The following COL4A4 variants were observed in gnomAD, a reference collection of about 807,000 sequenced individuals.
The protein encoded by COL4A4 is collagen alpha-4(IV) chain.
Under a neutral mutation model 192.9 loss-of-function variants are expected in COL4A4, and 105 were observed. The ratio of observed to expected loss-of-function variants is 0.54; its 90% CI spans 0.46 to 0.64. The LOEUF (loss-of-function observed/expected upper bound fraction) is 0.64, where lower values mean the gene tolerates loss of function less well. Ranked by LOEUF, COL4A4 falls within the 30% of genes least tolerant of loss-of-function variation. The probability of loss-of-function intolerance (pLI) is 0.00; values close to 1 mark genes in which losing one functional copy is unlikely to be tolerated. For synonymous variants in COL4A4, 762 were observed against 769.9 expected (o/e 0.99, Z 0.17); for missense variants, 1,967 against 2,169.3 (o/e 0.91, Z 1.85).
intron 4 of COL4A4, among the ~76,000 whole-genome samples, chr2:227,136,008 T>A (rs1025480924): frequency 6.6e-6 from 1 of 151,070 alleles, no homozygotes; most frequent in Non-Finnish European, 1.5e-5. Context: ...ACTGTGATAA[T>A]CTCAAAGTAC....
intron 35 of COL4A4, among the ~76,000 whole-genome samples, chr2:227,046,950 G>A (rs1973009053): frequency 6.6e-6 from 1 of 152,040 alleles, no homozygotes; most frequent in Non-Finnish European, 1.5e-5. Flanking sequence ...TGTTGGTGAT[G>A]AGGTTTATGT....
intron 38 of COL4A4, 97 bp from the exon 39 acceptor site, chr2:227,032,373 T>C (rs1431495087): frequency 1.4e-6 from 2 of 1,408,904 alleles, no homozygotes; most frequent in Admixed American, 2.0e-5. Flanking sequence ...GGCAGAGGAG[T>C]GGCTGGTTCT....
At chr2:227,045,827 TATATAC>T (rs1245827488) in intron 35 of COL4A4, among the ~76,000 whole-genome samples, 3 of 51,804 alleles carry the variant, frequency 5.8e-5, no homozygotes, top group African/African-American at 2.2e-4. Flanking sequence ...CACATATATA[TATATAC>T]ACACATATAT....
intron 4 of COL4A4, among the ~76,000 whole-genome samples, chr2:227,128,390 G>T (rs1188173953): frequency 6.6e-6 from 1 of 152,110 alleles, no homozygotes; most frequent in Non-Finnish European, 1.5e-5. Flanking sequence ...TGAATTAATT[G>T]AATACCTCTA....
chr2:227,019,265 G>A (rs573018607), intron 44 of COL4A4, among the ~76,000 whole-genome samples: 2 of 152,184 alleles, frequency 1.3e-5, no homozygotes, highest in Admixed American at 6.5e-5. Flanking sequence ...GCTAAGAAAC[G>A]TTCTACTCTT....
intron 25 of COL4A4, among the ~76,000 whole-genome samples, chr2:227,068,527 G>A (rs1040655004): frequency 6.6e-6 from 1 of 152,210 alleles, no homozygotes; most frequent in African/African-American, 2.4e-5. Flanking sequence ...CCATGATCAA[G>A]TGGGCTTCAC....
At chr2:227,070,210 C>T (rs1270436252) in intron 25 of COL4A4, among the ~76,000 whole-genome samples, 2 of 151,878 alleles carry the variant, frequency 1.3e-5, no homozygotes, top group Non-Finnish European at 2.9e-5. Context: ...ATTAAAAAGT[C>T]AGGAAACAAC....
intron 33 of COL4A4, among the ~76,000 whole-genome samples, 173 bp from the exon 34 acceptor site, chr2:227,050,304 T>C (rs1363046123): frequency 6.6e-6 from 1 of 152,252 alleles, no homozygotes; most frequent in Non-Finnish European, 1.5e-5. Flanking sequence ...TTTTTCAAAG[T>C]TGATATAGCT....
Position 227,005,074 on chromosome 2 carries a change from A to AAATT in COL4A4, c.*2247_*2250dup, listed in dbSNP as rs1489852951. The AAATT allele has an allele frequency of 1.3e-5, 2 of 152,248 alleles. No individual in the cohort carries two copies. Among genetic ancestry groups the AAATT allele is most frequent in the Admixed American group, 1.3e-4 (2 of 15,302 alleles). 9.4% of individuals were successfully genotyped at this position (152,248 alleles called of 1,614,324 possible). A position where few individuals can be genotyped will look rare whatever the true frequency, so the allele number is the denominator to read the frequency against. On this transcript the variant is annotated 3_prime_UTR_variant, in exon 48 of 48. Coordinates refer to ENST00000396625, the MANE Select transcript of COL4A4 (RefSeq NM_000092.5). ...TTTGATCCTTTAAAATACTTTTGTA[A>AAATT]AATTAGAGGGCAGTGTTAATGCTGC...
chr2:227,020,880 C>CTTTTTTTTTTTTTTTTTTTTTTT (rs57119611), intron 44 of COL4A4, among the ~76,000 whole-genome samples: 1 of 127,598 alleles, frequency 7.8e-6, no homozygotes. Flanking sequence ...ACACTTTTTT[C>CTTTTTTTTTTTTTTTTTTTTTTT]TTTTTTTTTT....
rs559618953 is a variant in COL4A4, at chr2:227,004,368, A to G, written c.*2957T>C. 2.8e-4 allele frequency: 42 copies of G among 152,492 alleles called. No individual in the cohort carries two copies. Among genetic ancestry groups the G allele is most frequent in the African/African-American group, 1.0e-3 (42 of 41,570 alleles). The allele number at this position is 152,492 out of a possible 1,614,324, so 9.4% of individuals were successfully genotyped here. ...TCGAAGAGGTGCTGGGAGTGTCTGC[A>G]GAGCTGCACACAGTTCATCATGACA... On this transcript the variant is annotated 3_prime_UTR_variant, in exon 48 of 48. Coordinates refer to ENST00000396625, the MANE Select transcript of COL4A4 (RefSeq NM_000092.5).
chr2:227,108,944 A>G, intron 10 of COL4A4, 76 bp from the exon 11 acceptor site: 3 of 1,383,654 alleles, frequency 2.2e-6, no homozygotes, highest in Non-Finnish European at 3.1e-6. Context: ...TGTTACCCCA[A>G]AATAGGGTCC....
At position 227,047,579 on chromosome 2, in the gene COL4A4, C is replaced by G. The variant is rs149309573; in HGVS notation, c.3215-30G>C. ...AAGGGATAAAATGCATGTGACATTA[C>G]TTTAGACAATTTAATTTGGTCTCAT... On this transcript the variant is annotated intron_variant, in intron 34 of 47. Coordinates refer to ENST00000396625, the MANE Select transcript of COL4A4 (RefSeq NM_000092.5). The G allele has an allele frequency of 4.6e-6, 7 of 1,510,456 alleles. No homozygotes were observed. In the African/African-American group the frequency reaches 9.6e-5, roughly 21 times the overall value. 93.6% of individuals were successfully genotyped at this position (1,510,456 alleles called of 1,614,324 possible). A position where few individuals can be genotyped will look rare whatever the true frequency, so the allele number is the denominator to read the frequency against.
In COL4A4 at chr2:227,082,186, C is replaced by G; in HGVS notation, c.1625G>C (p.Gly542Ala). Residue 542 changes from glycine (G) to alanine (A), a missense_variant and splice_region_variant, in exon 23 of 48, where the codon GGA becomes GCA. Coordinates refer to ENST00000396625, the MANE Select transcript of COL4A4 (RefSeq NM_000092.5). ...PGAEGPPGLP[G>A]KHGASGPPGN... is the part of the protein sequence containing the mutation. ...AGGTGGTCCAGAGGCACCATGCTTT[C>G]CCTTGGTGAAAAATAAGAGAAACAA... is the stretch of plus-strand genomic sequence containing the variant. 6.2e-7 allele frequency: 1 copy of G among 1,613,810 alleles called. No individual in the cohort carries two copies. The highest frequency in any genetic ancestry group is 1.3e-5 in the African/African-American group (1 of 75,020).
intron 19 of COL4A4, among the ~76,000 whole-genome samples, chr2:227,095,069 C>T (rs953497333): frequency 6.6e-6 from 1 of 152,180 alleles, no homozygotes; most frequent in Non-Finnish European, 1.5e-5. Context: ...AATAAGCACA[C>T]AGTGGAAAGA....
At position 227,140,160 on chromosome 2, in the gene COL4A4, C is replaced by T; in HGVS notation, c.192+1G>A. On this transcript the variant is annotated splice_donor_variant, in intron 4 of 47. Transcript: ENST00000396625. LOFTEE classifies it high-confidence loss of function. ...CCCATGTTGGTCTTTACATCACTTA[C>T]CCGAGACCCCTTTTCAGGAACACAG... 6.2e-7 allele frequency: 1 copy of T among 1,613,374 alleles called. No individual in the cohort carries two copies.
chr2:227,020,913 C>G (rs1452205452), intron 44 of COL4A4, among the ~76,000 whole-genome samples: 3 of 119,444 alleles, frequency 2.5e-5, no homozygotes, highest in South Asian at 2.8e-4. Flanking sequence ...GAGTTTCGCT[C>G]TTGTTGCCCA....
intron 44 of COL4A4, 118 bp downstream of exon 44, chr2:227,021,928 AAG>A: frequency 8.4e-7 from 1 of 1,185,394 alleles, no homozygotes; most frequent in Non-Finnish European, 1.2e-6. Flanking sequence ...TGCAAAGGGA[AAG>A]ACATGCTTTC....
rs532593914 is a variant in COL4A4 at position 227,020,351 on chromosome 2, A to G, written c.4216+1697T>C. ...GAGTATCAAGAAAGATGAGTTAAAT[A>G]AAGACTGGCCCAATTCCCAGTTCTC... On this transcript the variant is annotated intron_variant, in intron 44 of 47. Transcript: ENST00000396625. Among the ~76,000 whole-genome samples the G allele has an allele frequency of 3.9e-5, 6 of 152,332 alleles. No individual in the cohort carries two copies. In the South Asian group the frequency reaches 1.2e-3, roughly 32 times the overall value.
Sources: allele counts gnomAD v4.1 joint callset (sites outside exome capture counted in the v4.1 genomes callset), GRCh38; gene constraint gnomAD v4.1.1; transcripts MANE v1.5; gene names NCBI Gene and HGNC (gene_info 2026-07-23, HGNC 2026-07-21).